Variants in PIGL observed in about 807,000 individuals in gnomAD.
The protein encoded by PIGL is phosphatidylinositol glycan anchor biosynthesis class L, also known as N-acetylglucosaminyl-phosphatidylinositol de-N-acetylase.
In PIGL, 22 loss-of-function variants were observed where a neutral mutation model predicts 31.1. That is an observed-to-expected ratio of 0.71 (90% CI 0.51 to 1.01). The LOEUF is 1.01. Among genes scored for constraint, PIGL ranks in the 50% least tolerant of loss-of-function variants. The pLI, the probability that PIGL is intolerant of heterozygous loss-of-function variation, is 0.00. For synonymous variants in PIGL, 131 were observed against 117.4 expected, an observed-to-expected ratio of 1.12 and a Z score of -0.75; for missense variants, 302 against 315.9, an observed-to-expected ratio of 0.96 and a Z score of 0.33.
intron 2 of PIGL, among the ~76,000 whole-genome samples, chr17:16,256,856 T>A (rs928604701): frequency 6.6e-6 from 1 of 151,778 alleles, no homozygotes; most frequent in African/African-American, 2.4e-5. Context: ...CTAGGGTAAT[T>A]TTTGTGTTTT....
chr17:16,285,117 G>A (rs1187094990), intron 2 of PIGL, among the ~76,000 whole-genome samples: 2 of 152,122 alleles, frequency 1.3e-5, no homozygotes, highest in Admixed American at 6.5e-5. Context: ...CACCACACCT[G>A]GCCAAATTGG....
intron 1 of PIGL, among the ~76,000 whole-genome samples, chr17:16,221,939 A>T (rs899621949): frequency 1.1e-4 from 16 of 151,930 alleles, no homozygotes; most frequent in Admixed American, 8.5e-4. Context: ...TTTTTAATGG[A>T]GATAGGGTTT....
At chr17:16,245,842 C>A (rs933813876) in intron 2 of PIGL, among the ~76,000 whole-genome samples, 1 of 146,206 alleles carries the variant, frequency 6.8e-6, no homozygotes. Flanking sequence ...GACGGAGTCT[C>A]GGAGTCTCCC....
At chr17:16,241,959 AT>A (rs2092724972) in intron 2 of PIGL, among the ~76,000 whole-genome samples, 1 of 152,052 alleles carries the variant, frequency 6.6e-6, no homozygotes, top group Admixed American at 6.6e-5. Context: ...AGCACTTACA[AT>A]TTTTTTAGCA....
chr17:16,265,547 C>G (rs954863540), intron 2 of PIGL, among the ~76,000 whole-genome samples: 1 of 151,948 alleles, frequency 6.6e-6, no homozygotes, highest in Non-Finnish European at 1.5e-5. Flanking sequence ...TCGAGACCAA[C>G]CTGGCCAACA....
intron 2 of PIGL, among the ~76,000 whole-genome samples, chr17:16,275,739 G>A (rs186613931): frequency 5.0e-4 from 76 of 152,212 alleles, no homozygotes; most frequent in African/African-American, 1.7e-3. Flanking sequence ...GTGTCAGTAT[G>A]GAGGCTGGGT....
chr17:16,244,609 C>G (rs1032662926), intron 2 of PIGL, among the ~76,000 whole-genome samples: 2 of 152,178 alleles, frequency 1.3e-5, no homozygotes, highest in African/African-American at 4.8e-5. Flanking sequence ...CACTCCTCAA[C>G]TTGGGATGGG....
chr17:16,262,059 C>A (rs1219081482), intron 2 of PIGL, among the ~76,000 whole-genome samples: 2 of 151,892 alleles, frequency 1.3e-5, no homozygotes, highest in Non-Finnish European at 2.9e-5. Context: ...TCCATCTCTA[C>A]TAAAAATACA....
chr17:16,264,934 A>G (rs2092836082), intron 2 of PIGL, among the ~76,000 whole-genome samples: 1 of 152,172 alleles, frequency 6.6e-6, no homozygotes, highest in Non-Finnish European at 1.5e-5. Flanking sequence ...GCTACTTTCC[A>G]TATTATTGAA....
intron 1 of PIGL, among the ~76,000 whole-genome samples, chr17:16,227,578 C>CTTTTTTTTTTTTT (rs57452229): frequency 9.7e-6 from 1 of 103,196 alleles, no homozygotes; most frequent in African/African-American, 3.9e-5. Flanking sequence ...ATTTTCTTTT[C>CTTTTTTTTTTTTT]TTTTTTTTTT....
chr17:16,289,435 C>T (rs1244357675), intron 2 of PIGL, among the ~76,000 whole-genome samples: 1 of 152,206 alleles, frequency 6.6e-6, no homozygotes, highest in Non-Finnish European at 1.5e-5. Context: ...TAAAACCTGG[C>T]TGGAAACTTG....
At chr17:16,241,368 C>T (rs1029304373) in intron 2 of PIGL, among the ~76,000 whole-genome samples, 2 of 151,554 alleles carry the variant, frequency 1.3e-5, no homozygotes, top group Admixed American at 6.6e-5. Context: ...GTGGGCGGAT[C>T]ACCTGAGGTC....
At chr17:16,219,757 G>C (rs935851815) in intron 1 of PIGL, among the ~76,000 whole-genome samples, 1 of 151,768 alleles carries the variant, frequency 6.6e-6, no homozygotes, top group African/African-American at 2.4e-5. Flanking sequence ...GTAGAGCTGA[G>C]GTTTTGCTGG....
chr17:16,246,672 CTTTTTTTTTTTTT>C lies in PIGL; in HGVS notation c.335+12614_335+12626del, dbSNP rs1197171634. On this transcript the variant is annotated intron_variant, in intron 2 of 6. Coordinates refer to ENST00000225609, the MANE Select transcript of PIGL (RefSeq NM_004278.4). The stretch of plus-strand genomic sequence containing the variant: ...GCAGGCTAGAAGTCCAGATCAAGGT[CTTTTTTTTTTTTT>C]TTTTTTTTTTTGAGACGGAGTCTCG... 1.6e-3 allele frequency among the ~76,000 whole-genome samples: 104 copies of C among 64,176 alleles called. 5 individuals are homozygous for C. In the South Asian group the frequency reaches 0.049, roughly 30 times the overall value. The allele number at this position is 64,176 out of a possible 152,430, so 42.1% of individuals were successfully genotyped here.
At chr17:16,300,032 C>A in intron 3 of PIGL, 54 bp downstream of exon 3, 1 of 1,391,300 alleles carries the variant, frequency 7.2e-7, no homozygotes, top group Non-Finnish European at 1.0e-6. Context: ...CCATTCACAC[C>A]AGGTGGTTTC....
At chr17:16,276,886 G>A (rs956150504) in intron 2 of PIGL, among the ~76,000 whole-genome samples, 1 of 152,172 alleles carries the variant, frequency 6.6e-6, no homozygotes, top group African/African-American at 2.4e-5. Flanking sequence ...CTCATTATTT[G>A]TATAAAGTGC....
intron 2 of PIGL, among the ~76,000 whole-genome samples, chr17:16,264,694 G>A (rs113822516): frequency 0.048 from 7,189 of 150,976 alleles, 603 homozygotes; most frequent in African/African-American, 0.17. Flanking sequence ...GTGCAGTGGC[G>A]TGATCTCAGC....
At chr17:16,317,731 A>C (rs1159930353) in intron 5 of PIGL, 44 bp from the exon 6 acceptor site, 1 of 1,610,276 alleles carries the variant, frequency 6.2e-7, no homozygotes, top group Non-Finnish European at 8.5e-7. Context: ...ATCTGGCTGG[A>C]GGCCTCAAGG....
rs1346491310 is a variant in PIGL at position 16,233,980 on chromosome 17, A to G, written c.245A>G (p.Tyr82Cys). 2 of 1,600,750 alleles carry G rather than the reference A, an allele frequency of 1.2e-6. No individual in the cohort carries two copies. Among genetic ancestry groups the G allele is most frequent in the African/African-American group, 1.3e-5 (1 of 74,606 alleles). Residue 82 changes from tyrosine to cysteine, a missense_variant, in exon 2 of 7, where the codon TAC (tyrosine) becomes TGC (cysteine). Transcript: ENST00000225609. ...YLLCFSAGNY[Y>C]NQGETRKKEL... The stretch of plus-strand genomic sequence containing the variant: ...TATTTGTTACCCTCAGGAAATTACT[A>G]CAATCAAGGAGAGACTCGTAAGAAA...
Sources: gnomAD v4.1 joint callset for allele counts (sites outside exome capture counted in the v4.1 genomes callset) on GRCh38, gnomAD v4.1.1 for gene constraint, MANE v1.5 for transcripts, NCBI Gene and HGNC (gene_info 2026-07-23, HGNC 2026-07-21) for gene names.